RORB: variants seen among roughly 807,000 people sequenced by gnomAD.
RORB encodes the protein RAR related orphan receptor B, also known as nuclear receptor ROR-beta.
Under a neutral mutation model 59.1 loss-of-function variants are expected in RORB, and 6 were observed. The ratio of observed to expected loss-of-function variants is 0.10; its 90% CI spans 0.06 to 0.20. The LOEUF (loss-of-function observed/expected upper bound fraction) is 0.20. Among genes scored for constraint, RORB ranks in the 10% least tolerant of loss-of-function variants. RORB has a pLI of 1.00. For synonymous variants in RORB, 215 were observed against 204.5 expected, an observed-to-expected ratio of 1.05 and a Z score of -0.44; for missense variants, 320 against 560.5, an observed-to-expected ratio of 0.57 and a Z score of 4.33.
chr9:74,563,426 C>T (rs1377388922), intron 1 of RORB, among the ~76,000 whole-genome samples: 1 of 152,160 alleles, frequency 6.6e-6, no homozygotes, highest in African/African-American at 2.4e-5. Flanking sequence ...CCTTGTGATC[C>T]ACCTGCCTTG....
At chr9:74,618,740 C>A (rs1179342509) in intron 1 of RORB, among the ~76,000 whole-genome samples, 2 of 151,702 alleles carry the variant, frequency 1.3e-5, no homozygotes, top group African/African-American at 4.8e-5. Flanking sequence ...GACTTTTGCT[C>A]GTGTGTGTGT....
rs76597813 is a variant in RORB at position 74,602,289 on chromosome 9, G to T, written c.8-27993G>T. On this transcript the variant is annotated intron_variant, in intron 1 of 9. Coordinates refer to ENST00000376896, the MANE Select transcript of RORB (RefSeq NM_006914.4). ...ATAGAAACTGTTTAATGAGTATCTG[G>T]ACCTGAAGCATCATAAGCACTTAAT... Among the ~76,000 whole-genome samples, 966 of 152,222 alleles carry T rather than the reference G, an allele frequency of 6.3e-3. 10 individuals are homozygous for T. Among genetic ancestry groups the T allele is most frequent in the African/African-American group, 0.022 (908 of 41,518 alleles).
At chr9:74,659,496 T>TTTG (rs1454664325) in intron 4 of RORB, among the ~76,000 whole-genome samples, 1 of 151,936 alleles carries the variant, frequency 6.6e-6, no homozygotes, top group African/African-American at 2.4e-5. Flanking sequence ...TTTGTTTTGT[T>TTTG]TTGTTTTGCT....
intron 1 of RORB, among the ~76,000 whole-genome samples, chr9:74,519,344 C>A (rs1256761595): frequency 6.6e-6 from 1 of 151,916 alleles, no homozygotes; most frequent in Non-Finnish European, 1.5e-5. Flanking sequence ...CAGGGGAATT[C>A]AATGAAGGGA....
At chr9:74,614,741 T>C (rs1033025725) in intron 1 of RORB, among the ~76,000 whole-genome samples, 2 of 152,206 alleles carry the variant, frequency 1.3e-5, no homozygotes. Context: ...TAAAGTTAAA[T>C]AAAGCTAATA....
intron 1 of RORB, among the ~76,000 whole-genome samples, chr9:74,573,152 C>T (rs1008119750): frequency 1.3e-5 from 2 of 152,242 alleles, no homozygotes; most frequent in South Asian, 4.1e-4. Context: ...TTTTCCACAT[C>T]TTAACTCCAT....
At chr9:74,557,696 G>C (rs990848366) in intron 1 of RORB, among the ~76,000 whole-genome samples, 1 of 151,992 alleles carries the variant, frequency 6.6e-6, no homozygotes, top group African/African-American at 2.4e-5. Flanking sequence ...CCTTAATTAC[G>C]TAACGGCCGA....
chr9:74,517,947 C>G (rs966616546), intron 1 of RORB, among the ~76,000 whole-genome samples: 4 of 151,928 alleles, frequency 2.6e-5, no homozygotes, highest in African/African-American at 9.7e-5. Flanking sequence ...ATTTTTATCC[C>G]CATGTCACAG....
chr9:74,667,865 A>T lies in RORB; in HGVS notation c.1075A>T (p.Ile359Phe). 3 of 1,613,456 alleles carry T rather than the reference A, an allele frequency of 1.9e-6. No individual in the cohort carries two copies. The highest frequency in any genetic ancestry group is 2.5e-6 in the Non-Finnish European group (3 of 1,179,484). ...LCSLQLTEEEIALFSSAVLIS... is the reference protein window; with the variant it reads ...LCSLQLTEEEFALFSSAVLIS... ...TTCCTTGCAGCTGACCGAGGAGGAG[A>T]TCGCTTTGTTCTCATCTGCTGTTCT... The change falls in exon 8 of 10, where the codon ATC becomes TTC. Residue 359 changes from isoleucine (I) to phenylalanine (F), a missense_variant. Coordinates refer to ENST00000376896, the MANE Select transcript of RORB (RefSeq NM_006914.4).
intron 1 of RORB, among the ~76,000 whole-genome samples, chr9:74,519,821 A>G (rs1826058165): frequency 6.6e-6 from 1 of 151,990 alleles, no homozygotes; most frequent in Admixed American, 6.6e-5. Flanking sequence ...AGAAATAGGA[A>G]AGTTACATAA....
At chr9:74,535,064 C>G (rs777029197) in intron 1 of RORB, among the ~76,000 whole-genome samples, 7 of 152,056 alleles carry the variant, frequency 4.6e-5, no homozygotes, top group Admixed American at 4.6e-4. Flanking sequence ...CATCACAAGA[C>G]TGGCAATTTG....
chr9:74,625,058 C>T (rs979985986), intron 1 of RORB, among the ~76,000 whole-genome samples: 1 of 151,938 alleles, frequency 6.6e-6, no homozygotes. Context: ...GAGCAGAAAA[C>T]AAAGATGCTA....
At position 74,497,476 on chromosome 9, in the gene RORB, T is replaced by A. The variant is rs553144937; in HGVS notation, c.-501T>A. Reference sequence around the variant, plus strand: ...GCCATCCACACCGCCTTTCTTTCTTTTCTTTCTGTTTCCTTTTTTCCCCCT... The same window carrying A: ...GCCATCCACACCGCCTTTCTTTCTTATCTTTCTGTTTCCTTTTTTCCCCCT... On this transcript the variant is annotated 5_prime_UTR_variant, in exon 1 of 10. Coordinates refer to ENST00000376896, the MANE Select transcript of RORB (RefSeq NM_006914.4). 5 of 162,826 alleles carry A rather than the reference T, an allele frequency of 3.1e-5. No homozygotes were observed. The East Asian group carries it at 8.9e-4, about 29-fold the overall frequency. The allele number at this position is 162,826 out of a possible 1,614,324, so 10.1% of individuals were successfully genotyped here.
intron 7 of RORB, among the ~76,000 whole-genome samples, chr9:74,666,680 C>T (rs552456108): frequency 6.6e-6 from 1 of 152,228 alleles, no homozygotes; most frequent in South Asian, 2.1e-4. Flanking sequence ...AGGAGCTCCT[C>T]TACTTGTTTC....
chr9:74,530,307 C>T (rs930332388), intron 1 of RORB, among the ~76,000 whole-genome samples: 1 of 151,962 alleles, frequency 6.6e-6, no homozygotes, highest in Non-Finnish European at 1.5e-5. Flanking sequence ...AGTTGGTGTA[C>T]CCTGAATTTG....
chr9:74,623,090 G>A (rs1444262862), intron 1 of RORB, among the ~76,000 whole-genome samples: 6 of 152,134 alleles, frequency 3.9e-5, no homozygotes, highest in Non-Finnish European at 5.9e-5. Flanking sequence ...TTCATTGCTG[G>A]TTTCAAAAAA....
intron 1 of RORB, among the ~76,000 whole-genome samples, chr9:74,534,010 C>G (rs1826285443): frequency 6.6e-6 from 1 of 151,990 alleles, no homozygotes; most frequent in Non-Finnish European, 1.5e-5. Context: ...GATAGCCGTT[C>G]TATGACGAAA....
chr9:74,656,672 G>T (rs945564583), intron 4 of RORB, among the ~76,000 whole-genome samples: 4 of 152,136 alleles, frequency 2.6e-5, no homozygotes, highest in African/African-American at 9.7e-5. Flanking sequence ...AGAAGTGGAG[G>T]TTGCAGTGAG....
intron 1 of RORB, among the ~76,000 whole-genome samples, chr9:74,527,070 A>C (rs999446851): frequency 2.0e-5 from 3 of 151,986 alleles, no homozygotes; most frequent in African/African-American, 4.8e-5. Flanking sequence ...TTATTAATTA[A>C]AGCTAGCCAA....
Sources: allele counts gnomAD v4.1 joint callset (sites outside exome capture counted in the v4.1 genomes callset), GRCh38; gene constraint gnomAD v4.1.1; transcripts MANE v1.5; gene names NCBI Gene and HGNC (gene_info 2026-07-23, HGNC 2026-07-21).